The following SYNPR variants were observed in gnomAD, a reference collection of about 807,000 sequenced individuals.
SYNPR encodes synaptoporin.
Under a neutral mutation model 32.9 loss-of-function variants are expected in SYNPR, and 23 were observed. The ratio of observed to expected loss-of-function variants is 0.70; its 90% CI spans 0.50 to 0.99. The LOEUF (loss-of-function observed/expected upper bound fraction) is 0.99, where lower values mean the gene tolerates loss of function less well. Ranked by LOEUF, SYNPR falls within the 50% of genes least tolerant of loss-of-function variation. The pLI, the probability that SYNPR is intolerant of heterozygous loss-of-function variation, is 0.00. For missense variants in SYNPR, 318 were observed against 349.3 expected, an observed-to-expected ratio of 0.91 and a Z score of 0.71; for synonymous variants, 146 against 135.9, an observed-to-expected ratio of 1.07 and a Z score of -0.52.
intron 2 of SYNPR, among the ~76,000 whole-genome samples, chr3:63,305,112 T>C (rs998075493): frequency 6.6e-6 from 1 of 151,980 alleles, no homozygotes. Flanking sequence ...TTTGGTGGTC[T>C]GCCTGATGGA....
intron 2 of SYNPR, among the ~76,000 whole-genome samples, chr3:63,400,667 C>A (rs145617213): frequency 1.3e-5 from 2 of 152,128 alleles, no homozygotes; most frequent in African/African-American, 4.8e-5. Context: ...GATGAGTCAC[C>A]GAACTGAGCC....
intron 2 of SYNPR, among the ~76,000 whole-genome samples, chr3:63,408,163 AAAG>A (rs1560220728): frequency 1.0e-4 from 11 of 105,670 alleles, no homozygotes; most frequent in Middle Eastern, 4.4e-3. Context: ...AGAAAGAAAG[AAAG>A]AAAGAAAGAA....
chr3:63,231,689 G>A (rs1395904782), intron 1 of SYNPR, among the ~76,000 whole-genome samples: 1 of 152,084 alleles, frequency 6.6e-6, no homozygotes, highest in East Asian at 1.9e-4. Context: ...CTAAGAAAAG[G>A]CCATTTTTTT....
intron 2 of SYNPR, among the ~76,000 whole-genome samples, chr3:63,262,251 A>C (rs2086445365): frequency 6.6e-6 from 1 of 152,198 alleles, no homozygotes; most frequent in South Asian, 2.1e-4. Flanking sequence ...TGAGGAAGAA[A>C]TAGGTGGAAA....
intron 2 of SYNPR, among the ~76,000 whole-genome samples, chr3:63,369,124 A>G (rs1233540726): frequency 1.3e-5 from 2 of 152,208 alleles, no homozygotes; most frequent in African/African-American, 2.4e-5. Flanking sequence ...ACTTAATCCA[A>G]TATGACTGGT....
intron 3 of SYNPR, among the ~76,000 whole-genome samples, chr3:63,529,066 A>G (rs1702066144): frequency 6.6e-6 from 1 of 152,148 alleles, no homozygotes; most frequent in Non-Finnish European, 1.5e-5. Flanking sequence ...ACAAAGTTTG[A>G]TCACTAGCTT....
rs187357627 is a variant in SYNPR at position 63,523,991 on chromosome 3, T to C, written c.210-32552T>C. On this transcript the variant is annotated intron_variant, in intron 3 of 5. Coordinates refer to ENST00000478300, the MANE Select transcript of SYNPR (RefSeq NM_001130003.2). ...GTAGACTGCATTTCCCACACATTAA[T>C]CCATCATCTACCACATCCCAAATTT... Among the ~76,000 whole-genome samples the C allele has an allele frequency of 3.1e-3, 465 of 152,132 alleles. 2 individuals are homozygous for C. The highest frequency in any genetic ancestry group is 0.011 in the African/African-American group (450 of 41,506).
At chr3:63,429,061 AGAACT>A (rs1322774637) in intron 2 of SYNPR, among the ~76,000 whole-genome samples, 1 of 152,242 alleles carries the variant, frequency 6.6e-6, no homozygotes, top group Non-Finnish European at 1.5e-5. Flanking sequence ...GAAAATGCAG[AGAACT>A]GATGTGTTGG....
chr3:63,414,311 C>T (rs1045012429), intron 2 of SYNPR, among the ~76,000 whole-genome samples: 1 of 151,936 alleles, frequency 6.6e-6, no homozygotes. Context: ...TTGAAAAAAC[C>T]TCACACACAA....
At chr3:63,282,525 G>T (rs769179891) in intron 2 of SYNPR, among the ~76,000 whole-genome samples, 13 of 151,910 alleles carry the variant, frequency 8.6e-5, no homozygotes, top group Non-Finnish European at 1.2e-4. Context: ...AAAAGGAAAA[G>T]AAATTTAAAA....
chr3:63,596,712 C>T (rs776133725), intron 4 of SYNPR, among the ~76,000 whole-genome samples: 2 of 152,154 alleles, frequency 1.3e-5, no homozygotes, highest in African/African-American at 4.8e-5. Context: ...CTTGTCAAAG[C>T]TGAGCTGTGG....
chr3:63,258,491 A>C (rs978563662), intron 2 of SYNPR, among the ~76,000 whole-genome samples: 6 of 152,362 alleles, frequency 3.9e-5, no homozygotes, highest in Middle Eastern at 3.4e-3. Flanking sequence ...TACCGAAATG[A>C]AGGCAGAAAT....
intron 4 of SYNPR, 78 bp from the exon 5 acceptor site, chr3:63,609,047 T>C (rs1355507661): frequency 1.7e-5 from 25 of 1,464,146 alleles, no homozygotes; most frequent in Admixed American, 2.7e-5. Context: ...GCAAACCAAA[T>C]AGTTATATAA....
At position 63,615,108 on chromosome 3, in the gene SYNPR, G is replaced by T. The variant is rs924282162; in HGVS notation, c.601-116G>T. The T allele has an allele frequency of 1.0e-5, 13 of 1,269,024 alleles. No homozygotes were observed. The Admixed American group carries it at 1.6e-4, about 16-fold the overall frequency. The allele number at this position is 1,269,024 out of a possible 1,614,324, so 78.6% of individuals were successfully genotyped here. On this transcript the variant is annotated intron_variant, in intron 5 of 5. Transcript: ENST00000478300. ...GTTCCAAATGGAAAACTTGGAAGCG[G>T]ACTCAACATTAAAGTGAAAAGTGAT...
At chr3:63,431,786 T>TA (rs1449693139) in intron 2 of SYNPR, among the ~76,000 whole-genome samples, 2 of 150,416 alleles carry the variant, frequency 1.3e-5, no homozygotes. Flanking sequence ...AGAACCAACA[T>TA]AATCTTTCCT....
At chr3:63,220,960 C>G in the SYNPR span, among the ~76,000 whole-genome samples, 1 of 152,168 alleles carries the variant, frequency 6.6e-6, no homozygotes, top group Non-Finnish European at 1.5e-5. Flanking sequence ...ATATTAAACT[C>G]TTTAGATTCA....
intron 1 of SYNPR, among the ~76,000 whole-genome samples, chr3:63,250,790 G>A (rs1200352718): frequency 6.6e-6 from 1 of 152,162 alleles, no homozygotes; most frequent in East Asian, 1.9e-4. Flanking sequence ...TAACCATGAT[G>A]TCAACCTGCC....
intron 3 of SYNPR, 91 bp from the exon 4 acceptor site, chr3:63,556,452 A>G (rs1017191876): frequency 4.3e-6 from 5 of 1,166,522 alleles, no homozygotes; most frequent in Non-Finnish European, 6.0e-6. Flanking sequence ...CCCAGATCAC[A>G]TCCCATTTTG....
the SYNPR span, among the ~76,000 whole-genome samples, chr3:63,218,430 A>G: frequency 6.6e-6 from 1 of 152,206 alleles, no homozygotes; most frequent in Non-Finnish European, 1.5e-5. Flanking sequence ...AGTTCTCTGT[A>G]TGTTCTACTT....
Sources: gnomAD v4.1 joint callset for allele counts (sites outside exome capture counted in the v4.1 genomes callset) on GRCh38, gnomAD v4.1.1 for gene constraint, MANE v1.5 for transcripts, NCBI Gene and HGNC (gene_info 2026-07-23, HGNC 2026-07-21) for gene names.